The following LINGO2 variants were observed in gnomAD, a reference collection of about 807,000 sequenced individuals.
The protein encoded by LINGO2 is leucine-rich repeat and immunoglobulin-like domain-containing nogo receptor-interacting protein 2.
In LINGO2, 14 loss-of-function variants were observed where a neutral mutation model predicts 30.6. That is an observed-to-expected ratio of 0.46 (90% CI 0.30 to 0.72). The LOEUF (loss-of-function observed/expected upper bound fraction) is 0.72. Ranked by LOEUF, LINGO2 falls within the 30% of genes least tolerant of loss-of-function variation. The pLI, the probability that LINGO2 is intolerant of heterozygous loss-of-function variation, is 0.07. For missense variants in LINGO2, 729 were observed against 751.7 expected (o/e 0.97, Z 0.35); for synonymous variants, 317 against 288.5 (o/e 1.10, Z -1.00).
chr9:28,590,636 A>G (rs1417472399), intron 1 of LINGO2, among the ~76,000 whole-genome samples: 1 of 152,100 alleles, frequency 6.6e-6, no homozygotes, highest in Non-Finnish European at 1.5e-5. Context: ...CAGAATGGCG[A>G]TCATTAAAAA....
chr9:28,496,236 ATCTG>A (rs1381121540), intron 1 of LINGO2, among the ~76,000 whole-genome samples: 2 of 152,058 alleles, frequency 1.3e-5, no homozygotes, highest in African/African-American at 4.8e-5. Context: ...TGTCTCGTTG[ATCTG>A]TCTAATGTTG....
the LINGO2 span, among the ~76,000 whole-genome samples, chr9:29,019,134 C>G: frequency 2.0e-5 from 3 of 152,234 alleles, no homozygotes; most frequent in East Asian, 1.9e-4. Context: ...ATCTGATACT[C>G]TGCTCCATTT....
At chr9:29,052,035 G>C in the LINGO2 span, among the ~76,000 whole-genome samples, 24,647 of 151,982 alleles carry the variant, frequency 0.16, 2,204 homozygotes, top group South Asian at 0.21. Flanking sequence ...GTTGATGTTT[G>C]ACAAACCTCA....
At chr9:28,017,332 T>G (rs1386809627) in intron 4 of LINGO2, among the ~76,000 whole-genome samples, 1 of 152,050 alleles carries the variant, frequency 6.6e-6, no homozygotes, top group African/African-American at 2.4e-5. Flanking sequence ...CTGGAAGCCC[T>G]AGCCAGAGCA....
chr9:28,031,951 C>CA (rs2048064660), intron 4 of LINGO2, among the ~76,000 whole-genome samples: 1 of 150,210 alleles, frequency 6.7e-6, no homozygotes, highest in Admixed American at 6.7e-5. Context: ...GCCAGGCAGG[C>CA]AGTACCTATT....
At chr9:28,313,461 T>A (rs560681275) in intron 3 of LINGO2, among the ~76,000 whole-genome samples, 27 of 152,196 alleles carry the variant, frequency 1.8e-4, no homozygotes, top group Non-Finnish European at 2.6e-4. Flanking sequence ...TCTACAGGAT[T>A]CATTAAATTT....
intron 5 of LINGO2, among the ~76,000 whole-genome samples, chr9:27,964,733 G>A (rs1404708324): frequency 6.6e-6 from 1 of 152,046 alleles, no homozygotes; most frequent in Non-Finnish European, 1.5e-5. Context: ...GTCCTTTTGT[G>A]TAGCAATTTC....
At chr9:28,025,296 T>G (rs1444337587) in intron 4 of LINGO2, among the ~76,000 whole-genome samples, 2 of 152,216 alleles carry the variant, frequency 1.3e-5, no homozygotes, top group African/African-American at 2.4e-5. Flanking sequence ...CAGTCTGCCC[T>G]ATGGGATAAT....
chr9:28,029,102 C>T (rs1227786233), intron 4 of LINGO2, among the ~76,000 whole-genome samples: 1 of 152,072 alleles, frequency 6.6e-6, no homozygotes, highest in African/African-American at 2.4e-5. Flanking sequence ...GCATTTTTCT[C>T]CCTATGAAGA....
chr9:28,060,390 G>C (rs1479739572), intron 4 of LINGO2, among the ~76,000 whole-genome samples: 2 of 152,024 alleles, frequency 1.3e-5, no homozygotes, highest in Non-Finnish European at 2.9e-5. Flanking sequence ...GCTAACACTT[G>C]GTTTCTTACT....
At chr9:28,902,068 T>A in the LINGO2 span, among the ~76,000 whole-genome samples, 14 of 152,004 alleles carry the variant, frequency 9.2e-5, no homozygotes, top group African/African-American at 3.1e-4. Context: ...TAAAAAGACA[T>A]AGATTGGTAG....
intron 1 of LINGO2, among the ~76,000 whole-genome samples, chr9:28,527,908 G>T (rs550245113): frequency 1.3e-5 from 2 of 152,148 alleles, no homozygotes; most frequent in South Asian, 4.2e-4. Context: ...CTTATATAGG[G>T]CTTTTAAACC....
intron 1 of LINGO2, among the ~76,000 whole-genome samples, chr9:28,547,580 T>A (rs759424215): frequency 6.6e-6 from 1 of 152,152 alleles, no homozygotes; most frequent in Non-Finnish European, 1.5e-5. Context: ...ACATATGTTA[T>A]TTTCATTTGC....
chr9:28,631,103 T>G (rs564033290), intron 1 of LINGO2, among the ~76,000 whole-genome samples: 1 of 152,130 alleles, frequency 6.6e-6, no homozygotes, highest in Admixed American at 6.6e-5. Flanking sequence ...ATACCAGTAC[T>G]CCAAGGATCA....
chr9:28,560,464 C>A (rs1822986919), intron 1 of LINGO2, among the ~76,000 whole-genome samples: 1 of 152,048 alleles, frequency 6.6e-6, no homozygotes, highest in Admixed American at 6.6e-5. Flanking sequence ...CCACTTTGCA[C>A]ATTTTAAACA....
chr9:29,071,157 TTGTA>T, the LINGO2 span, among the ~76,000 whole-genome samples: 2 of 108,078 alleles, frequency 1.9e-5, no homozygotes, highest in African/African-American at 7.8e-5. Context: ...CAGAGAATTA[TTGTA>T]TTGTATTGTA....
At chr9:28,817,515 T>C in the LINGO2 span, among the ~76,000 whole-genome samples, 19 of 152,186 alleles carry the variant, frequency 1.2e-4, no homozygotes, top group African/African-American at 4.6e-4. Flanking sequence ...TTTGTCCACA[T>C]GGCAAAACGA....
At chr9:28,630,531 C>T (rs1361902744) in intron 1 of LINGO2, among the ~76,000 whole-genome samples, 2 of 152,018 alleles carry the variant, frequency 1.3e-5, no homozygotes, top group East Asian at 3.9e-4. Context: ...TGATACAACT[C>T]AAGCTTCTGA....
chr9:28,675,971 A>C, the LINGO2 span, among the ~76,000 whole-genome samples: 1 of 149,448 alleles, frequency 6.7e-6, no homozygotes, highest in African/African-American at 2.4e-5. Flanking sequence ...GTATATATAC[A>C]TTTAAAAATA....
Sources: allele counts gnomAD v4.1 joint callset (sites outside exome capture counted in the v4.1 genomes callset), GRCh38; gene constraint gnomAD v4.1.1; transcripts MANE v1.5; gene names NCBI Gene and HGNC (gene_info 2026-07-23, HGNC 2026-07-21).